The following KRABD3 variants were observed in gnomAD, a reference collection of about 807,000 sequenced individuals.
KRABD3 encodes KRAB domain-containing protein 3.
chr7:149,734,348 G>A, the KRABD3 span: 1 of 392,542 alleles, frequency 2.5e-6, no homozygotes, highest in Admixed American at 4.2e-5. Context: ...GGTGTGCATA[G>A]GCCACGTGTG....
chr7:149,721,907 A>C, the KRABD3 span: 1 of 421,680 alleles, frequency 2.4e-6, no homozygotes, highest in Non-Finnish European at 4.5e-6. Flanking sequence ...ACTGCAGAGC[A>C]GGGCAAGGGG....
At chr7:149,723,563 C>G in the KRABD3 span, 1 of 622,920 alleles carries the variant, frequency 1.6e-6, no homozygotes, top group East Asian at 2.8e-5. Context: ...TTTGCCCTGT[C>G]CGGTTCTGGC....
the KRABD3 span, chr7:149,725,801 G>C: frequency 7.7e-7 from 1 of 1,293,254 alleles, no homozygotes; most frequent in Non-Finnish European, 1.0e-6. Flanking sequence ...TTGGGGCAGG[G>C]TCTTCTGGTG....
chr7:149,733,075 ACCTT>A, the KRABD3 span: 20 of 1,108,800 alleles, frequency 1.8e-5, no homozygotes, highest in Middle Eastern at 2.4e-4. Flanking sequence ...GGCCTCACCC[ACCTT>A]CCTTCCTTTC....
At chr7:149,723,787 C>G in the KRABD3 span, 5 of 1,613,900 alleles carry the variant, frequency 3.1e-6, no homozygotes, top group Admixed American at 8.3e-5. Context: ...GCTACACTGT[C>G]TGAAGGAGCT....
At chr7:149,732,016 G>C in the KRABD3 span, among the ~76,000 whole-genome samples, 1 of 152,368 alleles carries the variant, frequency 6.6e-6, no homozygotes, top group Non-Finnish European at 1.5e-5. This position sits in a 1 kb window ranked among gnomAD's most constrained non-coding sequence, Gnocchi z 4.0. Context: ...TTTGGGGCTT[G>C]AGGGGACTTT....
At chr7:149,718,077 C>T in the KRABD3 span, among the ~76,000 whole-genome samples, 2 of 152,038 alleles carry the variant, frequency 1.3e-5, no homozygotes, top group African/African-American at 2.4e-5. Context: ...GGATTACAGG[C>T]GTGAACCATC....
At chr7:149,720,885 A>G in the KRABD3 span, 6 of 1,609,336 alleles carry the variant, frequency 3.7e-6, no homozygotes, top group African/African-American at 4.0e-5. Flanking sequence ...GCAGCTGGTG[A>G]AGGAGATCCC....
the KRABD3 span, among the ~76,000 whole-genome samples, chr7:149,724,443 T>G: frequency 2.6e-5 from 4 of 152,110 alleles, no homozygotes; most frequent in African/African-American, 9.7e-5. Flanking sequence ...GGTAGAAACC[T>G]TGGAGGCACC....
At chr7:149,732,975 A>T in the KRABD3 span, among the ~76,000 whole-genome samples, 1 of 152,224 alleles carries the variant, frequency 6.6e-6, no homozygotes, top group Non-Finnish European at 1.5e-5. The surrounding 1 kb of genome is among the most constrained non-coding windows in gnomAD (Gnocchi z 4.0). Context: ...ACGGAAACCC[A>T]ACCTGTGGTT....
chr7:149,730,381 C>T, the KRABD3 span: 4 of 1,555,654 alleles, frequency 2.6e-6, no homozygotes, highest in Middle Eastern at 1.7e-4. Context: ...GGATGTGTGC[C>T]AGGGCGCCAG....
the KRABD3 span, chr7:149,724,577 C>T: frequency 1.7e-6 from 2 of 1,163,100 alleles, no homozygotes; most frequent in Non-Finnish European, 2.3e-6. Context: ...CCTCCTAACC[C>T]TATAAAGGCC....
the KRABD3 span, among the ~76,000 whole-genome samples, chr7:149,726,720 G>C: frequency 6.6e-6 from 1 of 152,030 alleles, no homozygotes; most frequent in Non-Finnish European, 1.5e-5. Context: ...TTATGGGGAT[G>C]AGCCACCGCG....
chr7:149,732,119 C>T, the KRABD3 span, among the ~76,000 whole-genome samples: 5 of 152,216 alleles, frequency 3.3e-5, no homozygotes, highest in Non-Finnish European at 5.9e-5. The surrounding 1 kb of genome is among the most constrained non-coding windows in gnomAD (Gnocchi z 4.0). Context: ...CCTACGGACT[C>T]ATGGTGGAGA....
chr7:149,722,689 G>T, the KRABD3 span: 2 of 1,506,794 alleles, frequency 1.3e-6, no homozygotes, highest in South Asian at 1.3e-5. Flanking sequence ...TCACGGGTGG[G>T]AATCTCAGCC....
chr7:149,723,918 C>T, the KRABD3 span: 9 of 1,608,562 alleles, frequency 5.6e-6, no homozygotes, highest in Non-Finnish European at 6.8e-6. Context: ...GCTGGGAGGG[C>T]CCCCAGACAT....
chr7:149,729,546 C>T, the KRABD3 span: 99 of 985,476 alleles, frequency 1.0e-4, no homozygotes, highest in Non-Finnish European at 1.1e-4. Context: ...GATAAAGTGT[C>T]ACAAAGTGCT....
chr7:149,732,433 G>A, the KRABD3 span, among the ~76,000 whole-genome samples: 7 of 152,138 alleles, frequency 4.6e-5, no homozygotes, highest in African/African-American at 1.2e-4. This position sits in a 1 kb window ranked among gnomAD's most constrained non-coding sequence, Gnocchi z 4.0. Context: ...TGGAGGTGCC[G>A]AAAAGAGCAG....
chr7:149,726,014 G>A, the KRABD3 span: 13 of 1,613,038 alleles, frequency 8.1e-6, no homozygotes, highest in Non-Finnish European at 1.1e-5. Flanking sequence ...ACTGGGACCT[G>A]GATTTTGGGA....
Sources: allele counts gnomAD v4.1 joint callset (sites outside exome capture counted in the v4.1 genomes callset), GRCh38; gene constraint gnomAD v4.1.1; non-coding constraint Gnocchi (gnomAD v3.1); transcripts MANE v1.5; gene names NCBI Gene and HGNC (gene_info 2026-07-23, HGNC 2026-07-21).